CADM2: variants seen among roughly 807,000 people sequenced by gnomAD.
The protein encoded by CADM2 is immunoglobulin superfamily member 4D.
In CADM2, 12 loss-of-function variants were observed where a neutral mutation model predicts 49.8. The observed-to-expected ratio is 0.24, with a 90% CI of 0.15 to 0.39. The LOEUF (loss-of-function observed/expected upper bound fraction) is 0.39. Ranked by LOEUF, CADM2 falls within the 10% of genes least tolerant of loss-of-function variation. The probability of loss-of-function intolerance (pLI) is 1.00; values close to 1 mark genes in which losing one functional copy is unlikely to be tolerated. For missense variants in CADM2, 378 were observed against 492.3 expected, an observed-to-expected ratio of 0.77 and a Z score of 2.20; for synonymous variants, 214 against 175.4, an observed-to-expected ratio of 1.22 and a Z score of -1.74.
intron 1 of CADM2, among the ~76,000 whole-genome samples, chr3:85,338,585 G>C (rs568559819): frequency 2.6e-5 from 4 of 151,636 alleles, no homozygotes; most frequent in African/African-American, 4.8e-5. Flanking sequence ...ACCCTGTGAG[G>C]TAGGGAGTAT....
intron 5 of CADM2, among the ~76,000 whole-genome samples, chr3:85,898,955 ATTTTTTTTTTT>A (rs35857247): frequency 3.5e-4 from 12 of 33,902 alleles, no homozygotes; most frequent in East Asian, 1.8e-3. Context: ...ATATATATAT[ATTTTTTTTTTT>A]TTTTTTTTTT....
chr3:84,963,782 T>TA (rs1464567992), intron 1 of CADM2, among the ~76,000 whole-genome samples: 1 of 152,210 alleles, frequency 6.6e-6, no homozygotes, highest in Non-Finnish European at 1.5e-5. Context: ...ATGAAATACT[T>TA]ACGCTTCCTA....
intron 8 of CADM2, chr3:86,013,825 C>A: frequency 6.3e-7 from 1 of 1,591,020 alleles, no homozygotes; most frequent in Non-Finnish European, 8.6e-7. Context: ...CGTGGTCAGG[C>A]TTACATTGTG....
At chr3:85,285,013 A>T (rs2043596995) in intron 1 of CADM2, among the ~76,000 whole-genome samples, 1 of 152,158 alleles carries the variant, frequency 6.6e-6, no homozygotes, top group Admixed American at 6.6e-5. Context: ...TAGCACTTTG[A>T]TGGGATAGCA....
At chr3:85,869,946 C>A (rs1226007889) in intron 3 of CADM2, among the ~76,000 whole-genome samples, 3 of 152,190 alleles carry the variant, frequency 2.0e-5, no homozygotes, top group South Asian at 2.1e-4. Flanking sequence ...CAGGCGTGAG[C>A]CACCGCGCCC....
At chr3:85,634,205 A>G (rs913901778) in intron 1 of CADM2, among the ~76,000 whole-genome samples, 1 of 152,016 alleles carries the variant, frequency 6.6e-6, no homozygotes, top group African/African-American at 2.4e-5. Context: ...TCAATGAGGT[A>G]TTAAACATAT....
Position 85,902,941 on chromosome 3 carries a change from A to G in CADM2, c.530-9432A>G, listed in dbSNP as rs537829196. 3.9e-5 allele frequency among the ~76,000 whole-genome samples: 6 copies of G among 152,012 alleles called. No individual in the cohort carries two copies. The South Asian group carries it at 1.0e-3, about 26-fold the overall frequency. On this transcript the variant is annotated intron_variant, in intron 5 of 9. Transcript: ENST00000383699. ...TACAATTATTACTTCATATAGTGTTATGTCTTTAATAAAGCTGAGAAAAGC... is the reference window on the plus strand; with the variant it reads ...TACAATTATTACTTCATATAGTGTTGTGTCTTTAATAAAGCTGAGAAAAGC...
At chr3:85,879,150 C>T (rs549338444) in intron 3 of CADM2, among the ~76,000 whole-genome samples, 1 of 151,582 alleles carries the variant, frequency 6.6e-6, no homozygotes, top group Non-Finnish European at 1.5e-5. Context: ...GCATGAGTTC[C>T]TATTGTGAGA....
At chr3:85,212,874 C>T (rs1196776650) in intron 1 of CADM2, among the ~76,000 whole-genome samples, 5 of 122,704 alleles carry the variant, frequency 4.1e-5, no homozygotes, top group African/African-American at 7.8e-5. Flanking sequence ...TTCTTTCTTT[C>T]TTTCTTTCTT....
rs933776499 is a variant in CADM2 at position 85,097,913 on chromosome 3, G to T, written c.61+138245G>T. Among the ~76,000 whole-genome samples the T allele has an allele frequency of 1.3e-5, 2 of 152,190 alleles. 1 individual carries two copies. The highest frequency in any genetic ancestry group is 4.1e-4 in the South Asian group (2 of 4,824). ...GAATCAGGTGGTGTGCTTGTTTAAA[G>T]CTTCATTCACAAACCTCCAATTTAG... On this transcript the variant is annotated intron_variant, in intron 1 of 9. Coordinates refer to ENST00000383699, the MANE Select transcript of CADM2 (RefSeq NM_001167675.2).
intron 2 of CADM2, among the ~76,000 whole-genome samples, chr3:85,788,230 C>T (rs1412802462): frequency 6.6e-6 from 1 of 151,910 alleles, no homozygotes; most frequent in Non-Finnish European, 1.5e-5. Context: ...CAGTAAAATC[C>T]ACTAAAAATG....
At chr3:85,327,045 T>C (rs2044773539) in intron 1 of CADM2, among the ~76,000 whole-genome samples, 1 of 152,022 alleles carries the variant, frequency 6.6e-6, no homozygotes, top group Admixed American at 6.6e-5. Context: ...GTCTTTTTTT[T>C]TCTTTTTTTC....
At chr3:85,388,435 C>T (rs904906160) in intron 1 of CADM2, among the ~76,000 whole-genome samples, 4 of 152,082 alleles carry the variant, frequency 2.6e-5, no homozygotes, top group African/African-American at 9.7e-5. Context: ...TTTATTTTCA[C>T]AATTGTTGAA....
At chr3:86,051,247 A>G in intron 8 of CADM2, among the ~76,000 whole-genome samples, 1 of 152,242 alleles carries the variant, frequency 6.6e-6, no homozygotes, top group East Asian at 1.9e-4. Context: ...GACTCAATGC[A>G]GCCAGTTTCT....
At chr3:86,013,592 C>G in intron 8 of CADM2, 2 of 1,601,046 alleles carry the variant, frequency 1.2e-6, no homozygotes, top group Non-Finnish European at 1.7e-6. Flanking sequence ...AAGAAACTCT[C>G]AGGGAAGAGA....
chr3:85,422,570 C>T (rs2036221890), intron 1 of CADM2, among the ~76,000 whole-genome samples: 2 of 152,192 alleles, frequency 1.3e-5, no homozygotes, highest in East Asian at 1.9e-4. Flanking sequence ...AGCCACCTCA[C>T]CCAGCCCAGT....
chr3:85,559,394 A>G (rs1204870716), intron 1 of CADM2, among the ~76,000 whole-genome samples: 1 of 152,098 alleles, frequency 6.6e-6, no homozygotes. Flanking sequence ...TCTTAATGGA[A>G]ATAGTCAGGC....
At chr3:85,408,047 AC>A (rs1189827415) in intron 1 of CADM2, among the ~76,000 whole-genome samples, 14 of 150,700 alleles carry the variant, frequency 9.3e-5, no homozygotes, top group African/African-American at 3.5e-4. Context: ...GAAGAAAAAA[AC>A]GGACTTAATC....
intron 1 of CADM2, among the ~76,000 whole-genome samples, chr3:84,967,474 G>A (rs2031089768): frequency 6.6e-6 from 1 of 152,108 alleles, no homozygotes; most frequent in East Asian, 1.9e-4. Flanking sequence ...AAGTTTAAAT[G>A]AGAAATAATG....
Sources: gnomAD v4.1 joint callset for allele counts (sites outside exome capture counted in the v4.1 genomes callset) on GRCh38, gnomAD v4.1.1 for gene constraint, MANE v1.5 for transcripts, NCBI Gene and HGNC (gene_info 2026-07-23, HGNC 2026-07-21) for gene names.